C16orf96: variants seen among roughly 807,000 people sequenced by gnomAD.
C16orf96 encodes the protein chromosome 16 open reading frame 96, also known as uncharacterized protein C16orf96.
A neutral mutation model predicts 103.6 loss-of-function variants in C16orf96; 108 were observed. That is an observed-to-expected ratio of 1.04 (90% CI 0.89 to 1.22). C16orf96 has a LOEUF of 1.22. Ranked by LOEUF, C16orf96 falls within the 50% of genes most tolerant of loss-of-function variation. C16orf96 has a pLI of 0.00. For missense variants in C16orf96, 1,586 were observed against 1,464.2 expected (o/e 1.08, Z -1.36); for synonymous variants, 566 against 593.5 (o/e 0.95, Z 0.67).
intron 1 of C16orf96, among the ~76,000 whole-genome samples, chr16:4,558,788 G>A (rs1428209834): frequency 4.6e-5 from 7 of 151,872 alleles, no homozygotes; most frequent in Non-Finnish European, 1.0e-4. Flanking sequence ...GCTTGCGTGC[G>A]CCTGTAGTCC....
rs1567456309 is a variant in C16orf96 at position 4,591,699 on chromosome 16, G to T, written c.2626G>T (p.Glu876Ter). The T allele has an allele frequency of 1.9e-6, 3 of 1,551,684 alleles. No homozygotes were observed. The highest frequency in any genetic ancestry group is 2.6e-6 in the Non-Finnish European group (3 of 1,146,986). ...CAGTGATCTGGATCCCTTGAAGAAA[G>T]AAATGGAAGAGGTCTGGAAAATCGT... ...VHSDLDPLKK[E>*]MEEVWKIVRK... Residue 876 changes from glutamate (E) to a stop codon, truncating the protein, a stop_gained, in exon 10 of 16, where the codon GAA (glutamate) becomes TAA (stop). Transcript: ENST00000444310. LOFTEE classifies it high-confidence loss of function.
chr16:4,570,540 C>A (rs759275866), intron 1 of C16orf96, among the ~76,000 whole-genome samples: 1 of 147,934 alleles, frequency 6.8e-6, no homozygotes, highest in African/African-American at 2.5e-5. Context: ...TCTTGGCTCA[C>A]TGCAGCCTCT....
chr16:4,557,632 G>A (rs1246754812), intron 1 of C16orf96, among the ~76,000 whole-genome samples: 2 of 152,070 alleles, frequency 1.3e-5, no homozygotes, highest in African/African-American at 4.8e-5. Context: ...ACACTGAATT[G>A]TTCACTTAAA....
intron 2 of C16orf96, 49 bp downstream of exon 2, chr16:4,571,714 C>G (rs1289986414): frequency 2.2e-6 from 3 of 1,376,352 alleles, no homozygotes; most frequent in African/African-American, 1.6e-5. Flanking sequence ...GCTCAGGCCT[C>G]TGGGGGTTGG....
At chr16:4,569,652 A>T (rs1267876238) in intron 1 of C16orf96, among the ~76,000 whole-genome samples, 1 of 151,348 alleles carries the variant, frequency 6.6e-6, no homozygotes, top group Non-Finnish European at 1.5e-5. Flanking sequence ...GAATCACTTG[A>T]ACCCGGGAGG....
chr16:4,560,193 TG>T (rs1354784731), intron 1 of C16orf96: 1 of 151,890 alleles, frequency 6.6e-6, no homozygotes, highest in Non-Finnish European at 1.5e-5. Flanking sequence ...AATTTTTCTT[TG>T]CATTTTTATA....
intron 1 of C16orf96, among the ~76,000 whole-genome samples, chr16:4,563,522 G>C (rs768042597): frequency 2.0e-5 from 3 of 152,080 alleles, no homozygotes; most frequent in Non-Finnish European, 2.9e-5. Context: ...AAAGTGCTGG[G>C]ATTACAGGCT....
the C16orf96 span, among the ~76,000 whole-genome samples, chr16:4,541,475 G>A: frequency 5.9e-5 from 9 of 152,346 alleles, no homozygotes; most frequent in East Asian, 1.7e-3. Flanking sequence ...TCGGGAGGCT[G>A]AGGTGGGAGG....
At chr16:4,540,809 A>G in the C16orf96 span, among the ~76,000 whole-genome samples, 3 of 151,544 alleles carry the variant, frequency 2.0e-5, no homozygotes, top group Non-Finnish European at 1.5e-5. Flanking sequence ...GTACAGTGGC[A>G]TGATCATAGC....
upstream of C16orf96, among the ~76,000 whole-genome samples, chr16:4,554,753 A>G (rs1480653820): frequency 6.6e-6 from 1 of 151,652 alleles, no homozygotes; most frequent in Admixed American, 6.6e-5. Flanking sequence ...CCCGGGTTCA[A>G]GTGATTCTCC....
intron 3 of C16orf96, 79 bp downstream of exon 3, chr16:4,574,868 G>A: frequency 6.6e-7 from 1 of 1,521,406 alleles, no homozygotes; most frequent in East Asian, 2.5e-5. Flanking sequence ...TGAGGGTAGG[G>A]AGGTGCAAGG....
In C16orf96 at chr16:4,562,568, T is replaced by C. The variant is rs1029798798; in HGVS notation, c.420+5659T>C. Among the ~76,000 whole-genome samples the C allele has an allele frequency of 1.5e-4, 23 of 152,190 alleles. 1 individual carries two copies. The highest frequency in any genetic ancestry group is 1.2e-3 in the Admixed American group (19 of 15,258). ...TTTTGTTTGTCTTTATTTTTTAAGATTGTATTACTTGATTTTATTTTACAC... is the reference window on the plus strand; with the variant it reads ...TTTTGTTTGTCTTTATTTTTTAAGACTGTATTACTTGATTTTATTTTACAC... On this transcript the variant is annotated intron_variant, in intron 1 of 15. Coordinates refer to ENST00000444310, the MANE Select transcript of C16orf96 (RefSeq NM_001145011.2).
chr16:4,568,935 T>A (rs2059409264), intron 1 of C16orf96, among the ~76,000 whole-genome samples: 1 of 151,924 alleles, frequency 6.6e-6, no homozygotes, highest in Admixed American at 6.6e-5. Context: ...CAGGATACTG[T>A]TCTTTTTATC....
At position 4,593,290 on chromosome 16, in the gene C16orf96, C is replaced by G; in HGVS notation, c.2841C>G (p.Cys947Trp). The G allele has an allele frequency of 1.3e-6, 2 of 1,550,934 alleles. No homozygotes were observed. The highest frequency in any genetic ancestry group is 1.7e-6 in the Non-Finnish European group (2 of 1,146,860). ...TGCGGCCAGCCAGCGCCAACAGCTG[C>G]GAGTACTTGCAGCGGCAACAGATGA... ...SRLRPASANS[C>W]EYLQRQQMRE... The change falls in exon 12 of 16, where the codon TGC becomes TGG. Residue 947 changes from cysteine to tryptophan, a missense_variant. By Grantham distance (215) the Cys-to-Trp change is radical. Transcript: ENST00000444310. This position sits in a 1 kb window ranked among gnomAD's most constrained non-coding sequence, Gnocchi z 4.2.
the C16orf96 span, among the ~76,000 whole-genome samples, chr16:4,543,635 TTTTA>T: frequency 1.3e-5 from 2 of 151,710 alleles, no homozygotes; most frequent in Non-Finnish European, 2.9e-5. Context: ...ATGATCCGTA[TTTTA>T]TTTATTTATC....
the C16orf96 span, among the ~76,000 whole-genome samples, chr16:4,543,174 C>T: frequency 4.6e-5 from 7 of 152,084 alleles, no homozygotes; most frequent in African/African-American, 2.4e-5. Flanking sequence ...GAGAGGAGGA[C>T]GTTTAAGTTG....
chr16:4,590,772 A>G (rs1253844041), intron 9 of C16orf96, among the ~76,000 whole-genome samples: 2 of 150,894 alleles, frequency 1.3e-5, no homozygotes, highest in African/African-American at 2.4e-5. Flanking sequence ...TAATCCCAGC[A>G]CTTTGGGAGG....
intron 5 of C16orf96, among the ~76,000 whole-genome samples, chr16:4,577,415 A>G (rs1370709610): frequency 1.3e-5 from 2 of 152,094 alleles, no homozygotes; most frequent in African/African-American, 4.8e-5. Context: ...CTATAATCCT[A>G]GCACTTTGGG....
chr16:4,585,312 A>AAAAAAAAG lies in C16orf96; in HGVS notation c.2353-1727_2353-1726insAAAAAAAG, dbSNP rs60726283. On this transcript the variant is annotated intron_variant, in intron 7 of 15. Coordinates refer to ENST00000444310, the MANE Select transcript of C16orf96 (RefSeq NM_001145011.2). ...TCTACAAAAAAAAAAAAAAAAAAAAATCCAGGTAGGTGGTGTCACCTGCAG... is the reference window on the plus strand; with the variant it reads ...TCTACAAAAAAAAAAAAAAAAAAAAAAAAAAAAGTCCAGGTAGGTGGTGTCACCTGCAG... 7.2e-4 allele frequency among the ~76,000 whole-genome samples: 79 copies of AAAAAAAAG among 109,954 alleles called. 12 individuals are homozygous for AAAAAAAAG. The highest frequency in any genetic ancestry group is 9.3e-4 in the Non-Finnish European group (52 of 55,892). 72.1% of individuals were successfully genotyped at this position (109,954 alleles called of 152,430 possible). A position where few individuals can be genotyped will look rare whatever the true frequency, so the allele number is the denominator to read the frequency against.
Sources: allele counts gnomAD v4.1 joint callset (sites outside exome capture counted in the v4.1 genomes callset), GRCh38; gene constraint gnomAD v4.1.1; non-coding constraint Gnocchi (gnomAD v3.1); transcripts MANE v1.5; gene names NCBI Gene and HGNC (gene_info 2026-07-23, HGNC 2026-07-21).